GPC6: variants seen among roughly 807,000 people sequenced by gnomAD.
GPC6 encodes glypican 6.
Under a neutral mutation model 55.2 loss-of-function variants are expected in GPC6, and 14 were observed. That is an observed-to-expected ratio of 0.25 (90% CI 0.17 to 0.40). GPC6 has a LOEUF of 0.40. Among genes scored for constraint, GPC6 ranks in the 10% least tolerant of loss-of-function variants. The probability of loss-of-function intolerance (pLI) is 1.00; values close to 1 mark genes in which losing one functional copy is unlikely to be tolerated. For synonymous variants in GPC6, 278 were observed against 259.6 expected (o/e 1.07, Z -0.68); for missense variants, 641 against 708.5 (o/e 0.90, Z 1.08).
intron 3 of GPC6, among the ~76,000 whole-genome samples, chr13:94,011,462 T>G (rs575821798): frequency 6.6e-5 from 10 of 152,194 alleles, no homozygotes; most frequent in African/African-American, 2.2e-4. Context: ...AATGTGCTTT[T>G]GTTGGTATAT....
chr13:94,146,984 A>G (rs944215411), intron 4 of GPC6, among the ~76,000 whole-genome samples: 1 of 152,166 alleles, frequency 6.6e-6, no homozygotes, highest in African/African-American at 2.4e-5. Context: ...TCTGCTTCTA[A>G]TGTTCATTTC....
chr13:94,289,283 T>TA (rs1874809055), intron 5 of GPC6, among the ~76,000 whole-genome samples: 1 of 152,148 alleles, frequency 6.6e-6, no homozygotes, highest in African/African-American at 2.4e-5. Flanking sequence ...CTGTAATAGT[T>TA]ACACTGTTTG....
intron 2 of GPC6, among the ~76,000 whole-genome samples, chr13:93,552,802 G>A (rs1198899026): frequency 1.3e-5 from 2 of 152,196 alleles, no homozygotes. Context: ...TCTTGGTAAT[G>A]AATGTTAATG....
chr13:94,324,791 ATCTGTGTGGCAGC>A (rs1217047580), intron 6 of GPC6, among the ~76,000 whole-genome samples: 1 of 152,132 alleles, frequency 6.6e-6, no homozygotes, highest in Non-Finnish European at 1.5e-5. Context: ...TTGAAGCAGA[ATCTGTGTGGCAGC>A]CTATAGTCGT....
intron 4 of GPC6, among the ~76,000 whole-genome samples, chr13:94,161,158 G>T (rs1251537346): frequency 6.6e-6 from 1 of 152,118 alleles, no homozygotes; most frequent in African/African-American, 2.4e-5. Context: ...CATACATTTT[G>T]TAAGCTTCCT....
intron 6 of GPC6, among the ~76,000 whole-genome samples, chr13:94,353,478 C>G (rs1374874973): frequency 2.0e-5 from 3 of 152,092 alleles, no homozygotes; most frequent in Non-Finnish European, 4.4e-5. Context: ...CAATCTGGAT[C>G]TAGGTCAGCA....
At chr13:94,216,840 A>G (rs538282699) in intron 4 of GPC6, among the ~76,000 whole-genome samples, 4 of 152,308 alleles carry the variant, frequency 2.6e-5, no homozygotes, top group Admixed American at 6.5e-5. Flanking sequence ...CTTTTGTTGT[A>G]ATTGAGGGTC....
intron 1 of GPC6, among the ~76,000 whole-genome samples, chr13:93,304,335 C>T (rs560047257): frequency 8.5e-5 from 13 of 152,272 alleles, no homozygotes; most frequent in Admixed American, 2.0e-4. Flanking sequence ...GCAGCCAGCG[C>T]GAGGTTTTCA....
chr13:94,293,280 C>T (rs900367024), intron 5 of GPC6, among the ~76,000 whole-genome samples: 11 of 152,304 alleles, frequency 7.2e-5, no homozygotes, highest in Admixed American at 6.5e-4. Context: ...ATAATCCCCA[C>T]ATGTCAAGGG....
At chr13:94,266,452 G>A (rs111673928) in intron 4 of GPC6, among the ~76,000 whole-genome samples, 97 of 152,294 alleles carry the variant, frequency 6.4e-4, no homozygotes, top group African/African-American at 2.2e-3. Flanking sequence ...ACAGGCGTGA[G>A]CCACCGCGTC....
intron 1 of GPC6, among the ~76,000 whole-genome samples, chr13:93,496,597 G>A (rs757055930): frequency 6.6e-6 from 1 of 152,148 alleles, no homozygotes; most frequent in East Asian, 1.9e-4. Context: ...AAAGCCTGGG[G>A]TTTACATTCA....
At chr13:94,270,550 G>A (rs139131177) in intron 4 of GPC6, among the ~76,000 whole-genome samples, 5 of 152,284 alleles carry the variant, frequency 3.3e-5, no homozygotes, top group Admixed American at 6.5e-5. Flanking sequence ...CAAAATATTC[G>A]AAGTATCTCT....
At chr13:93,402,781 C>G (rs1036960933) in intron 1 of GPC6, among the ~76,000 whole-genome samples, 2 of 152,126 alleles carry the variant, frequency 1.3e-5, no homozygotes, top group African/African-American at 4.8e-5. Context: ...AATACATGCT[C>G]TACGAGAAGT....
chr13:93,522,173 C>A (rs142860781), intron 1 of GPC6, among the ~76,000 whole-genome samples: 2 of 151,826 alleles, frequency 1.3e-5, no homozygotes, highest in Admixed American at 6.6e-5. Flanking sequence ...GGGGTCTCTG[C>A]GCCTGTCATT....
intron 6 of GPC6, among the ~76,000 whole-genome samples, chr13:94,317,382 A>T (rs1246119420): frequency 6.6e-6 from 1 of 152,206 alleles, no homozygotes; most frequent in Non-Finnish European, 1.5e-5. Flanking sequence ...TGTTCTTTGC[A>T]GCTCCTTGAA....
At chr13:93,571,837 G>A (rs958591019) in intron 2 of GPC6, among the ~76,000 whole-genome samples, 1 of 152,078 alleles carries the variant, frequency 6.6e-6, no homozygotes, top group African/African-American at 2.4e-5. Flanking sequence ...TAATTTTCTG[G>A]TGAACGAGCA....
intron 1 of GPC6, among the ~76,000 whole-genome samples, chr13:93,319,651 G>A (rs1291990394): frequency 6.6e-6 from 1 of 151,992 alleles, no homozygotes; most frequent in Admixed American, 6.6e-5. Flanking sequence ...AAAAAGAGCA[G>A]AACAAATAAA....
intron 3 of GPC6, among the ~76,000 whole-genome samples, chr13:93,979,319 T>TG (rs1246947385): frequency 2.5e-4 from 23 of 93,794 alleles, no homozygotes; most frequent in African/African-American, 5.6e-4. Context: ...GTGTGTGTGT[T>TG]TGTGTGTGTT....
chr13:93,729,746 T>C (rs1883760653), intron 2 of GPC6, among the ~76,000 whole-genome samples: 1 of 152,182 alleles, frequency 6.6e-6, no homozygotes, highest in Non-Finnish European at 1.5e-5. Context: ...CTTACATATG[T>C]GTGCACATGG....
Sources: allele counts gnomAD v4.1 joint callset (sites outside exome capture counted in the v4.1 genomes callset), GRCh38; gene constraint gnomAD v4.1.1; transcripts MANE v1.5; gene names NCBI Gene and HGNC (gene_info 2026-07-23, HGNC 2026-07-21).